NKAIN2: variants seen among roughly 807,000 people sequenced by gnomAD.
NKAIN2 encodes sodium/potassium transporting ATPase interacting 2.
In NKAIN2, 14 loss-of-function variants were observed where a neutral mutation model predicts 32.6. That is an observed-to-expected ratio of 0.43 (90% confidence interval 0.28 to 0.67). The LOEUF (loss-of-function observed/expected upper bound fraction) is 0.67. Among genes scored for constraint, NKAIN2 ranks in the 30% least tolerant of loss-of-function variants. NKAIN2 has a pLI of 0.17. For missense variants in NKAIN2, 198 were observed against 258.3 expected (o/e 0.77, Z 1.60); for synonymous variants, 80 against 87.2 (o/e 0.92, Z 0.46).
At chr6:124,266,365 C>G (rs1179196487) in intron 1 of NKAIN2, among the ~76,000 whole-genome samples, 3 of 152,130 alleles carry the variant, frequency 2.0e-5, no homozygotes, top group African/African-American at 4.8e-5. Context: ...TTAGCCTCGA[C>G]TTCTTGAGCT....
intron 3 of NKAIN2, among the ~76,000 whole-genome samples, chr6:124,385,748 G>A (rs990136876): frequency 1.3e-5 from 2 of 150,512 alleles, no homozygotes; most frequent in Non-Finnish European, 3.0e-5. Context: ...CTCATGAGTA[G>A]CCAAGATCTA....
chr6:124,084,693 A>G (rs1360273007), intron 1 of NKAIN2, among the ~76,000 whole-genome samples: 3 of 152,038 alleles, frequency 2.0e-5, no homozygotes, highest in Non-Finnish European at 4.4e-5. Flanking sequence ...TGTAGAAAAC[A>G]AGTCTTAGAG....
intron 4 of NKAIN2, among the ~76,000 whole-genome samples, chr6:124,764,321 G>T (rs1036634351): frequency 6.6e-6 from 1 of 152,036 alleles, no homozygotes; most frequent in Non-Finnish European, 1.5e-5. Context: ...TTAAAATTAT[G>T]GGGGTTATCA....
intron 5 of NKAIN2, among the ~76,000 whole-genome samples, chr6:124,807,095 A>G (rs1201615515): frequency 1.3e-5 from 2 of 151,714 alleles, no homozygotes; most frequent in African/African-American, 4.8e-5. Flanking sequence ...CAGAAAGTCA[A>G]CAAGGATACC....
chr6:124,563,118 C>T (rs142631675), intron 3 of NKAIN2, among the ~76,000 whole-genome samples: 1 of 151,626 alleles, frequency 6.6e-6, no homozygotes, highest in Admixed American at 6.6e-5. Flanking sequence ...GTTGGCCAGG[C>T]TGGTCTCAAA....
At chr6:124,449,332 T>G (rs1306825779) in intron 3 of NKAIN2, among the ~76,000 whole-genome samples, 6 of 152,048 alleles carry the variant, frequency 3.9e-5, no homozygotes, top group Admixed American at 3.9e-4. Flanking sequence ...AAGCAATATC[T>G]AAATAGGAAT....
chr6:124,129,063 G>A (rs115095271), intron 1 of NKAIN2, among the ~76,000 whole-genome samples: 1,702 of 152,246 alleles, frequency 0.011, 41 homozygotes, highest in African/African-American at 0.038. Context: ...CACCCTTTGC[G>A]ACCCTGTACT....
intron 5 of NKAIN2, among the ~76,000 whole-genome samples, chr6:124,803,346 C>G (rs1222248333): frequency 6.6e-6 from 1 of 150,808 alleles, no homozygotes; most frequent in South Asian, 2.1e-4. Flanking sequence ...ATCCACCAAG[C>G]TTTGGCCTAT....
At chr6:123,831,481 G>A (rs1420577050) in intron 1 of NKAIN2, among the ~76,000 whole-genome samples, 1 of 147,504 alleles carries the variant, frequency 6.8e-6, no homozygotes. Flanking sequence ...TAGCCACACT[G>A]GTTTTTTTGT....
intron 3 of NKAIN2, among the ~76,000 whole-genome samples, chr6:124,451,651 G>A (rs992499021): frequency 5.3e-5 from 8 of 152,136 alleles, no homozygotes; most frequent in East Asian, 3.9e-4. Context: ...ATATCAGTGC[G>A]AAGAGCCTTA....
chr6:124,397,229 AAC>A (rs749352885), intron 3 of NKAIN2, among the ~76,000 whole-genome samples: 94 of 152,208 alleles, frequency 6.2e-4, no homozygotes, highest in Middle Eastern at 3.4e-3. Context: ...CAAAGAAATT[AAC>A]AGTTTGTATA....
chr6:123,909,601 C>A (rs1328694534), intron 1 of NKAIN2, among the ~76,000 whole-genome samples: 5 of 152,168 alleles, frequency 3.3e-5, no homozygotes, highest in Non-Finnish European at 5.9e-5. Flanking sequence ...GAGCATTCTT[C>A]CCACCCAACC....
Position 124,447,682 on chromosome 6 carries a change from T to TCTG in NKAIN2, c.273+92338_273+92340dup, listed in dbSNP as rs1470128804. ...AATTGACTTCAGCTATTTCAAGCATTCTGCTATCCTGTAATCATTTTAGCC... is the reference window on the plus strand; with the variant it reads ...AATTGACTTCAGCTATTTCAAGCATTCTGCTGCTATCCTGTAATCATTTTAGCC... On this transcript the variant is annotated intron_variant, in intron 3 of 6. Transcript: ENST00000368417. Among the ~76,000 whole-genome samples, 9 of 152,280 alleles carry TCTG rather than the reference T, an allele frequency of 5.9e-5. No individual in the cohort carries two copies. In the East Asian group the frequency reaches 1.7e-3, roughly 29 times the overall value.
intron 1 of NKAIN2, among the ~76,000 whole-genome samples, chr6:124,074,690 A>G (rs190042473): frequency 4.1e-4 from 63 of 152,230 alleles, no homozygotes; most frequent in African/African-American, 1.5e-3. Flanking sequence ...GTCTTGAGCT[A>G]TTCTTGCTCT....
At chr6:124,129,772 C>G (rs1276101238) in intron 1 of NKAIN2, among the ~76,000 whole-genome samples, 2 of 152,118 alleles carry the variant, frequency 1.3e-5, no homozygotes, top group Non-Finnish European at 2.9e-5. Flanking sequence ...TGCACGCCAC[C>G]ATGCCCAGCT....
chr6:124,354,353 A>T (rs12189957), intron 2 of NKAIN2, among the ~76,000 whole-genome samples: 35,267 of 152,084 alleles, frequency 0.23, 4,165 homozygotes, highest in Admixed American at 0.3. Context: ...TGCCTTCTGG[A>T]TGCTTCATAC....
intron 2 of NKAIN2, among the ~76,000 whole-genome samples, chr6:124,317,302 A>C (rs939335030): frequency 1.3e-5 from 2 of 152,110 alleles, no homozygotes; most frequent in Non-Finnish European, 2.9e-5. Context: ...CAATGCATCA[A>C]GTACCTCTTA....
chr6:124,330,623 C>A (rs1015233223), intron 2 of NKAIN2, among the ~76,000 whole-genome samples: 9 of 152,268 alleles, frequency 5.9e-5, no homozygotes, highest in South Asian at 2.1e-4. Context: ...GAGCTGTCAA[C>A]AAATAATATT....
Position 124,716,471 on chromosome 6 carries a change from A to G in NKAIN2, c.474+58085A>G, listed in dbSNP as rs377376598. Among the ~76,000 whole-genome samples the G allele has an allele frequency of 4.5e-3, 687 of 152,346 alleles. 9 individuals are homozygous for G. Among genetic ancestry groups the G allele is most frequent in the African/African-American group, 0.016 (656 of 41,576 alleles). ...GAGTGATGAGATGGACCCTTAGGAA[A>G]CATGCCCTTGCCCCACATCAGCTAA... is the stretch of plus-strand genomic sequence containing the variant. On this transcript the variant is annotated intron_variant, in intron 4 of 6. Coordinates refer to ENST00000368417, the MANE Select transcript of NKAIN2 (RefSeq NM_001040214.3).
Sources: allele counts gnomAD v4.1 joint callset (sites outside exome capture counted in the v4.1 genomes callset), GRCh38; gene constraint gnomAD v4.1.1; transcripts MANE v1.5; gene names NCBI Gene and HGNC (gene_info 2026-07-23, HGNC 2026-07-21).